WWOX: variants seen among roughly 807,000 people sequenced by gnomAD.
WWOX encodes WW domain-containing oxidoreductase.
In WWOX, 69 loss-of-function variants were observed where a neutral mutation model predicts 46.2. That is an observed-to-expected ratio of 1.49 (90% confidence interval 1.23 to 1.82). The LOEUF (loss-of-function observed/expected upper bound fraction) is 1.82, where lower values mean the gene tolerates loss of function less well. WWOX is among the 40% of genes most tolerant of loss of function. WWOX has a pLI of 0.00. For synonymous variants in WWOX, 359 were observed against 202.6 expected (o/e 1.77, Z -6.56); for missense variants, 919 against 542.6 (o/e 1.69, Z -6.89).
intron 8 of WWOX, among the ~76,000 whole-genome samples, chr16:78,681,938 C>G (rs1356369793): frequency 1.3e-5 from 2 of 152,152 alleles, no homozygotes; most frequent in Non-Finnish European, 2.9e-5. Context: ...GCCCAGGAGT[C>G]TGCTTTTCTA....
chr16:79,131,447 G>C (rs1181423448), intron 8 of WWOX, among the ~76,000 whole-genome samples: 2 of 152,098 alleles, frequency 1.3e-5, no homozygotes, highest in East Asian at 3.9e-4. Flanking sequence ...ATGGAAATTA[G>C]ATCTATCACA....
intron 7 of WWOX, among the ~76,000 whole-genome samples, chr16:78,429,352 G>C (rs1195768389): frequency 6.6e-6 from 1 of 152,160 alleles, no homozygotes; most frequent in African/African-American, 2.4e-5. Flanking sequence ...TGTCCATGGA[G>C]GCATGCATTT....
intron 8 of WWOX, among the ~76,000 whole-genome samples, chr16:79,059,684 T>G (rs553961659): frequency 5.4e-4 from 82 of 152,154 alleles, no homozygotes; most frequent in African/African-American, 1.8e-3. Context: ...TTAGTAGAGA[T>G]GGGGTTTCAC....
intron 8 of WWOX, among the ~76,000 whole-genome samples, chr16:78,665,559 C>A (rs1341140037): frequency 6.6e-6 from 1 of 152,106 alleles, no homozygotes; most frequent in East Asian, 1.9e-4. Flanking sequence ...GCATCATAAT[C>A]TCCTTTCCCT....
chr16:78,640,959 A>C (rs980712984), intron 8 of WWOX, among the ~76,000 whole-genome samples: 1 of 151,642 alleles, frequency 6.6e-6, no homozygotes, highest in Non-Finnish European at 1.5e-5. Flanking sequence ...AAAAAGAAGA[A>C]GAAAAGAAAG....
At chr16:78,530,207 T>A (rs945700105) in intron 8 of WWOX, among the ~76,000 whole-genome samples, 1 of 151,810 alleles carries the variant, frequency 6.6e-6, no homozygotes, top group African/African-American at 2.4e-5. Context: ...CTAAAAGGAG[T>A]GTTACAGTCA....
chr16:78,402,922 A>G (rs973478296), intron 6 of WWOX, among the ~76,000 whole-genome samples: 2 of 152,196 alleles, frequency 1.3e-5, no homozygotes, highest in African/African-American at 4.8e-5. Context: ...GCCAAGTGCC[A>G]TTCTCCAGCA....
intron 5 of WWOX, among the ~76,000 whole-genome samples, chr16:78,370,160 T>G: frequency 7.0e-6 from 1 of 142,340 alleles, no homozygotes; most frequent in African/African-American, 2.6e-5. Flanking sequence ...AGGGCATGGA[T>G]CTAGATGCCA....
chr16:78,401,834 G>A (rs1301875926), intron 6 of WWOX, among the ~76,000 whole-genome samples: 1 of 151,994 alleles, frequency 6.6e-6, no homozygotes, highest in Non-Finnish European at 1.5e-5. Context: ...TGAGTAGCTG[G>A]GATTACAGGT....
intron 6 of WWOX, among the ~76,000 whole-genome samples, chr16:78,393,454 C>T (rs976425656): frequency 8.6e-5 from 13 of 151,750 alleles, no homozygotes; most frequent in Non-Finnish European, 4.4e-5. Context: ...AGCCCAGAAA[C>T]GTGAGACCAG....
At chr16:78,911,788 C>A (rs549175622) in intron 8 of WWOX, among the ~76,000 whole-genome samples, 2 of 152,160 alleles carry the variant, frequency 1.3e-5, no homozygotes, top group East Asian at 1.9e-4. Context: ...ATCACTTGAA[C>A]CCGGGAAGCG....
chr16:78,715,941 T>C (rs1442525700), intron 8 of WWOX, among the ~76,000 whole-genome samples: 1 of 152,074 alleles, frequency 6.6e-6, no homozygotes, highest in Admixed American at 6.6e-5. Context: ...GAAGGGCTGA[T>C]AGGGCCTCTA....
chr16:78,861,982 T>C (rs182896501), intron 8 of WWOX, among the ~76,000 whole-genome samples: 2 of 152,252 alleles, frequency 1.3e-5, no homozygotes, highest in Admixed American at 6.5e-5. Flanking sequence ...TCTGGAGAAA[T>C]TGAACTAATA....
At chr16:78,896,900 C>T (rs1021143554) in intron 8 of WWOX, 1 of 151,724 alleles carries the variant, frequency 6.6e-6, no homozygotes, top group Non-Finnish European at 1.5e-5. Flanking sequence ...TATACGTGTA[C>T]ATAATCATGG....
intron 8 of WWOX, among the ~76,000 whole-genome samples, chr16:78,704,919 T>A (rs1326961021): frequency 3.1e-5 from 3 of 97,114 alleles, no homozygotes; most frequent in African/African-American, 5.2e-5. Flanking sequence ...AAATACAACT[T>A]GTTTTTTTTT....
intron 5 of WWOX, among the ~76,000 whole-genome samples, chr16:78,360,073 G>A (rs565673125): frequency 6.6e-6 from 1 of 152,088 alleles, no homozygotes; most frequent in South Asian, 2.1e-4. Context: ...ATTTAAGCTT[G>A]TCAAAAAGAT....
At chr16:78,704,803 T>C (rs577543447) in intron 8 of WWOX, among the ~76,000 whole-genome samples, 9 of 152,318 alleles carry the variant, frequency 5.9e-5, no homozygotes, top group Non-Finnish European at 1.0e-4. Flanking sequence ...CATGTTGACT[T>C]GGAAAACAAC....
intron 8 of WWOX, among the ~76,000 whole-genome samples, chr16:78,730,402 G>C (rs2048940448): frequency 6.6e-6 from 1 of 151,970 alleles, no homozygotes; most frequent in African/African-American, 2.4e-5. Context: ...TAGCTCTATA[G>C]GTAAGATATT....
chr16:78,865,460 C>A (rs140678746), intron 8 of WWOX, among the ~76,000 whole-genome samples: 61 of 152,284 alleles, frequency 4.0e-4, no homozygotes, highest in Middle Eastern at 6.8e-3. Flanking sequence ...CTTGCTGAGG[C>A]TTTTGACAAT....
Sources: allele counts gnomAD v4.1 joint callset (sites outside exome capture counted in the v4.1 genomes callset), GRCh38; gene constraint gnomAD v4.1.1; transcripts MANE v1.5; gene names NCBI Gene and HGNC (gene_info 2026-07-23, HGNC 2026-07-21).